ZFYVE28: variants seen among roughly 807,000 people sequenced by gnomAD.
The protein encoded by ZFYVE28 is lateral signaling target protein 2 homolog.
Under a neutral mutation model 82.1 loss-of-function variants are expected in ZFYVE28, and 40 were observed. The observed-to-expected ratio is 0.49, with a 90% CI of 0.38 to 0.63. ZFYVE28 has a LOEUF of 0.63. ZFYVE28 is among the 30% of genes least tolerant of loss of function. The probability of loss-of-function intolerance (pLI) is 0.00; values close to 1 mark genes in which losing one functional copy is unlikely to be tolerated. For synonymous variants in ZFYVE28, 612 were observed against 546.1 expected (o/e 1.12, Z -1.68); for missense variants, 1,321 against 1,242.1 (o/e 1.06, Z -0.96).
At chr4:2,299,737 T>A (rs891262224) in intron 8 of ZFYVE28, among the ~76,000 whole-genome samples, 2 of 94,134 alleles carry the variant, frequency 2.1e-5, no homozygotes, top group Non-Finnish European at 4.5e-5. Context: ...TATAAAACCA[T>A]GTTCAGTGGA....
At chr4:2,401,698 C>G (rs565345892) in intron 1 of ZFYVE28, among the ~76,000 whole-genome samples, 30 of 152,192 alleles carry the variant, frequency 2.0e-4, no homozygotes, top group Non-Finnish European at 3.8e-4. Flanking sequence ...CTTGCGGTCC[C>G]CTCGCCGCCC....
chr4:2,395,033 C>A (rs1730282580), intron 1 of ZFYVE28, among the ~76,000 whole-genome samples: 1 of 152,116 alleles, frequency 6.6e-6, no homozygotes, highest in African/African-American at 2.4e-5. Context: ...AGTAAGGTGG[C>A]CTACAGTGAA....
At chr4:2,365,718 C>T (rs979917382) in intron 1 of ZFYVE28, among the ~76,000 whole-genome samples, 11 of 152,138 alleles carry the variant, frequency 7.2e-5, no homozygotes, top group Admixed American at 5.9e-4. Flanking sequence ...ACGGGGAGGA[C>T]GTCTCCCAGG....
At chr4:2,274,267 C>T (rs1356716854) in intron 8 of ZFYVE28, 51 bp from the exon 9 acceptor site, 4 of 1,581,930 alleles carry the variant, frequency 2.5e-6, no homozygotes, top group South Asian at 1.1e-5. Context: ...GATAAGGGGC[C>T]GTGGAGCCCG....
chr4:2,334,628 C>A (rs961100741), intron 6 of ZFYVE28, among the ~76,000 whole-genome samples: 6 of 151,648 alleles, frequency 4.0e-5, no homozygotes, highest in East Asian at 3.9e-4. Context: ...GCCCACCCCC[C>A]ACTCCCCGAC....
chr4:2,342,337 T>C (rs962977411), intron 2 of ZFYVE28, among the ~76,000 whole-genome samples: 1 of 152,228 alleles, frequency 6.6e-6, no homozygotes, highest in Non-Finnish European at 1.5e-5. Flanking sequence ...ACAGGTCACT[T>C]CGCCTCTCTG....
chr4:2,294,556 G>A (rs1169579942), intron 8 of ZFYVE28, among the ~76,000 whole-genome samples: 1 of 152,074 alleles, frequency 6.6e-6, no homozygotes, highest in African/African-American at 2.4e-5. Context: ...TCTTAGATAT[G>A]GCACCAAAAT....
rs1039777384 is a variant in ZFYVE28, at chr4:2,272,271, A to G, written c.2324-492T>C. Among the ~76,000 whole-genome samples the G allele has an allele frequency of 1.1e-4, 16 of 152,282 alleles. No individual in the cohort carries two copies. The East Asian group carries it at 3.1e-3, about 29-fold the overall frequency. Reference sequence around the variant, plus strand: ...TGCCCTGCTGGGCCAGGGCTCCAGGACCAGGCGGGCTGCCCCATGTGCCCG... The same window carrying G: ...TGCCCTGCTGGGCCAGGGCTCCAGGGCCAGGCGGGCTGCCCCATGTGCCCG... On this transcript the variant is annotated intron_variant, in intron 10 of 12. Coordinates refer to ENST00000290974, the MANE Select transcript of ZFYVE28 (RefSeq NM_020972.3).
chr4:2,358,615 C>G (rs1185155054), intron 1 of ZFYVE28, among the ~76,000 whole-genome samples: 1 of 152,204 alleles, frequency 6.6e-6, no homozygotes, highest in Non-Finnish European at 1.5e-5. Context: ...TGAGGTGTTA[C>G]TGAGCACAGA....
At chr4:2,354,100 G>A (rs1724887467) in intron 1 of ZFYVE28, 27 bp from the exon 2 acceptor site, 1 of 1,490,882 alleles carries the variant, frequency 6.7e-7, no homozygotes, top group East Asian at 2.6e-5. Context: ...CCAGGGCCAT[G>A]AGTGGGTGGG....
At chr4:2,296,045 TG>T (rs1275609198) in intron 8 of ZFYVE28, among the ~76,000 whole-genome samples, 1 of 152,128 alleles carries the variant, frequency 6.6e-6, no homozygotes, top group Non-Finnish European at 1.5e-5. Flanking sequence ...GGATGGGCCC[TG>T]GGTGGGGTCA....
At chr4:2,309,059 G>C (rs1445676478) in intron 7 of ZFYVE28, among the ~76,000 whole-genome samples, 4 of 152,170 alleles carry the variant, frequency 2.6e-5, no homozygotes, top group Non-Finnish European at 5.9e-5. Context: ...TCAAAACTCA[G>C]GTTGAAATTT....
chr4:2,346,069 C>A (rs1723497611), intron 2 of ZFYVE28, among the ~76,000 whole-genome samples: 1 of 151,896 alleles, frequency 6.6e-6, no homozygotes, highest in East Asian at 1.9e-4. Flanking sequence ...TGGCTCACGC[C>A]TGTAATCCCA....
intron 1 of ZFYVE28, among the ~76,000 whole-genome samples, chr4:2,373,951 C>T (rs1727840766): frequency 6.6e-6 from 1 of 152,178 alleles, no homozygotes; most frequent in African/African-American, 2.4e-5. Context: ...CAGCACCGCC[C>T]CCCATCTCTC....
At chr4:2,398,942 C>T (rs1330359325) in intron 1 of ZFYVE28, among the ~76,000 whole-genome samples, 1 of 116,362 alleles carries the variant, frequency 8.6e-6, no homozygotes, top group Admixed American at 9.5e-5. Context: ...GGGGCAAGAT[C>T]GAGGGCACAA....
intron 7 of ZFYVE28, among the ~76,000 whole-genome samples, chr4:2,317,264 A>C (rs1718366091): frequency 6.6e-6 from 1 of 152,236 alleles, no homozygotes; most frequent in Non-Finnish European, 1.5e-5. Flanking sequence ...CTGGGATTAC[A>C]GGAGTGAGCC....
At chr4:2,323,560 T>C (rs1022924928) in intron 6 of ZFYVE28, among the ~76,000 whole-genome samples, 2 of 152,184 alleles carry the variant, frequency 1.3e-5, no homozygotes, top group Non-Finnish European at 2.9e-5. Context: ...TTTATTATTA[T>C]ACTTTAAGTT....
At chr4:2,338,750 G>A (rs1330555687) in intron 4 of ZFYVE28, among the ~76,000 whole-genome samples, 1 of 152,168 alleles carries the variant, frequency 6.6e-6, no homozygotes, top group Non-Finnish European at 1.5e-5. Context: ...ATCTCCTAGG[G>A]GCCAGTAGAT....
In ZFYVE28 at chr4:2,308,688, A is replaced by AGAAAG. The variant is rs751404518; in HGVS notation, c.804-3153_804-3152insCTTTC. ...AAGAAAGAAAGAAAGAGAAAGAAAGAAAAGAAAAGAAAAGAAAAAAGAAAA... is the reference window on the plus strand; with the variant it reads ...AAGAAAGAAAGAAAGAGAAAGAAAGAGAAAGAAAGAAAAGAAAAGAAAAAAGAAAA... On this transcript the variant is annotated intron_variant, in intron 7 of 12. Transcript: ENST00000290974. Among the ~76,000 whole-genome samples, 160 of 128,002 alleles carry AGAAAG rather than the reference A, an allele frequency of 1.2e-3. 1 individual carries two copies. The highest frequency in any genetic ancestry group is 4.2e-3 in the African/African-American group (131 of 31,440). 84.0% of individuals were successfully genotyped at this position (128,002 alleles called of 152,430 possible).
Sources: gnomAD v4.1 joint callset for allele counts (sites outside exome capture counted in the v4.1 genomes callset) on GRCh38, gnomAD v4.1.1 for gene constraint, MANE v1.5 for transcripts, NCBI Gene and HGNC (gene_info 2026-07-23, HGNC 2026-07-21) for gene names.